LRRD1: variants seen among roughly 807,000 people sequenced by gnomAD.
The protein encoded by LRRD1 is leucine rich repeats and death domain containing 1.
In LRRD1, 49 loss-of-function variants were observed where a neutral mutation model predicts 69.5. The ratio of observed to expected loss-of-function variants is 0.70; its 90% CI spans 0.56 to 0.89. LRRD1 has a LOEUF of 0.89. Ranked by LOEUF, LRRD1 falls within the 40% of genes least tolerant of loss-of-function variation. The pLI is 0.00. For synonymous variants in LRRD1, 303 were observed against 338.9 expected (o/e 0.89, Z 1.16); for missense variants, 853 against 956.0 (o/e 0.89, Z 1.42).
Position 92,174,837 on chromosome 7 carries a change from G to C in LRRD1, c.-75+4170C>G, listed in dbSNP as rs541288163. On this transcript the variant is annotated intron_variant, in intron 1 of 5. Transcript: ENST00000458448. The stretch of plus-strand genomic sequence containing the variant: ...AGCACTTTGGGAGGCCAAGGTGGGT[G>C]GATCACCTGAGGTCAGGAGTTCAAG... Among the ~76,000 whole-genome samples, 3 of 152,006 alleles carry C rather than the reference G, an allele frequency of 2.0e-5. No individual in the cohort carries two copies. In the East Asian group the frequency reaches 5.8e-4, roughly 30 times the overall value.
intron 4 of LRRD1, among the ~76,000 whole-genome samples, chr7:92,147,205 T>C (rs1460973257): frequency 6.6e-6 from 1 of 151,936 alleles, no homozygotes; most frequent in Non-Finnish European, 1.5e-5. Context: ...TAGCTGGGAT[T>C]ACAGGCATGC....
chr7:92,143,014 G>C (rs1820204236), downstream of LRRD1: 1 of 237,080 alleles, frequency 4.2e-6, no homozygotes. Flanking sequence ...ACGTCCTGCT[G>C]ATTGGTCCAT....
rs772081557 is a variant in LRRD1 at position 92,163,385 on chromosome 7, T to C, written c.1818A>G (p.Lys606=). 3.2e-6 allele frequency: 5 copies of C among 1,547,842 alleles called. No homozygotes were observed. In the South Asian group the frequency reaches 3.6e-5, roughly 11 times the overall value. The change falls in exon 2 of 6, where the codon AAA becomes AAG. Residue 606 remains lysine (K), a synonymous_variant. Transcript: ENST00000458448. The part of the protein sequence containing the change: ...SDICNLKGIQ[K]LNFSSNQFIH... ...TAAATTGATTGCTTGAGAAGTTTAA[T>C]TTCTGGATTCCTTTTAAATTACAGA...
intron 1 of LRRD1, among the ~76,000 whole-genome samples, chr7:92,178,311 C>G (rs567026210): frequency 1.2e-3 from 184 of 152,050 alleles, no homozygotes; most frequent in African/African-American, 4.2e-3. Context: ...AAAACTCCGT[C>G]TCAAAAGACA....
Position 92,146,109 on chromosome 7 carries a change from G to C in LRRD1, c.2370C>G (p.Asn790Lys). 6.5e-7 allele frequency: 1 copy of C among 1,537,830 alleles called. No individual in the cohort carries two copies. Among genetic ancestry groups the C allele is most frequent in the Non-Finnish European group, 8.8e-7 (1 of 1,141,206 alleles). The change falls in exon 5 of 6, where the codon AAC becomes AAG. Residue 790 changes from asparagine to lysine, a missense_variant. Coordinates refer to ENST00000458448, the MANE Select transcript of LRRD1 (RefSeq NM_001161528.2). ...TCTTTGTAGGCATATCAGTTTCTGA[G>C]TTTGCCAGGTTTAGTTTTTGACATA... is the stretch of plus-strand genomic sequence containing the variant. ...EFLCQKLNLA[N>K]SETDMPTKST...
At chr7:92,170,510 T>A (rs141388239) in intron 1 of LRRD1, among the ~76,000 whole-genome samples, 2 of 152,086 alleles carry the variant, frequency 1.3e-5, no homozygotes, top group Non-Finnish European at 2.9e-5. Context: ...AAATAACATA[T>A]AAAGGCACTC....
At position 92,146,116 on chromosome 7, in the gene LRRD1, A is replaced by G; in HGVS notation, c.2363T>C (p.Leu788Pro). 1.3e-6 allele frequency: 2 copies of G among 1,540,608 alleles called. No homozygotes were observed. Among genetic ancestry groups the G allele is most frequent in the South Asian group, 2.5e-5 (2 of 80,934 alleles). The change falls in exon 5 of 6, where the codon CTG becomes CCG. Residue 788 changes from leucine (L) to proline (P), a missense_variant. Around this residue, in one of 3 missense-constraint regions of LRRD1, gnomAD observed 739 missense variants for 808.0 expected, o/e 0.91. Coordinates refer to ENST00000458448, the MANE Select transcript of LRRD1 (RefSeq NM_001161528.2). ...AGGCATATCAGTTTCTGAGTTTGCC[A>G]GGTTTAGTTTTTGACATAAAAATTC... The part of the protein sequence containing the change: ...NFEFLCQKLN[L>P]ANSETDMPTK...
intron 1 of LRRD1, among the ~76,000 whole-genome samples, chr7:92,178,431 G>A (rs1385619546): frequency 1.3e-5 from 2 of 152,146 alleles, no homozygotes; most frequent in Admixed American, 1.3e-4. Flanking sequence ...ACCACTTTGA[G>A]GGGGCGAGGC....
chr7:92,159,259 T>G, intron 2 of LRRD1, 56 bp from the exon 3 acceptor site: 1 of 1,100,822 alleles, frequency 9.1e-7, no homozygotes, highest in Non-Finnish European at 1.2e-6. Flanking sequence ...TTTGCATGAC[T>G]AAAACTTCTT....
chr7:92,143,684 CG>C (rs1563186956), downstream of LRRD1, among the ~76,000 whole-genome samples: 1 of 152,132 alleles, frequency 6.6e-6, no homozygotes, highest in African/African-American at 2.4e-5. Flanking sequence ...GCGTGCAGCC[CG>C]GGTTCCCGCC....
intron 3 of LRRD1, 117 bp downstream of exon 3, chr7:92,158,888 G>A (rs1197207736): frequency 2.7e-6 from 2 of 746,372 alleles, no homozygotes; most frequent in Non-Finnish European, 2.1e-6. Context: ...CCTTCTAATG[G>A]TGACTTAATA....
At chr7:92,170,386 G>T (rs942605011) in intron 1 of LRRD1, among the ~76,000 whole-genome samples, 2 of 152,074 alleles carry the variant, frequency 1.3e-5, no homozygotes, top group Non-Finnish European at 2.9e-5. Flanking sequence ...GATACAGGAA[G>T]GTCAGAGAAT....
chr7:92,171,710 C>CA (rs1563194980), intron 1 of LRRD1, among the ~76,000 whole-genome samples: 1 of 151,876 alleles, frequency 6.6e-6, no homozygotes, highest in Non-Finnish European at 1.5e-5. Context: ...CAGGACACAG[C>CA]AAAAAAAGAA....
intron 4 of LRRD1, chr7:92,149,877 A>G (rs1262659219): frequency 6.6e-6 from 3 of 455,044 alleles, no homozygotes; most frequent in Non-Finnish European, 1.3e-5. Context: ...GAACAACTAC[A>G]TTTGGTAGAA....
At chr7:92,169,351 CAG>C (rs1254928937) in intron 1 of LRRD1, among the ~76,000 whole-genome samples, 1 of 151,776 alleles carries the variant, frequency 6.6e-6, no homozygotes, top group Non-Finnish European at 1.5e-5. Context: ...AAAAATCAAA[CAG>C]AAATGTTGGA....
rs1820280522 is a variant in LRRD1, at chr7:92,144,962, T to C, written c.2509A>G (p.Thr837Ala). 1.4e-5 allele frequency: 21 copies of C among 1,545,624 alleles called. No individual in the cohort carries two copies. Among genetic ancestry groups the C allele is most frequent in the East Asian group, 2.5e-5 (1 of 40,796 alleles). The change falls in exon 6 of 6, where the codon ACT becomes GCT. Residue 837 changes from threonine to alanine, a missense_variant. By Grantham distance (58) the Thr-to-Ala change is moderately conservative (BLOSUM62 0). Transcript: ENST00000458448. ...ATAATTTCATATGCTCCTATCATAG[T>C]TAGTGCTCGAATTAGTTGATCTCTT... ...ALRDQLIRAL[T>A]MIGAYEIMDK...
chr7:92,178,562 C>T (rs1789247584), intron 1 of LRRD1, among the ~76,000 whole-genome samples: 1 of 151,318 alleles, frequency 6.6e-6, no homozygotes. Flanking sequence ...CCTAATTACT[C>T]GGGAGGCTGA....
At chr7:92,175,356 A>G (rs1789169265) in intron 1 of LRRD1, among the ~76,000 whole-genome samples, 1 of 151,860 alleles carries the variant, frequency 6.6e-6, no homozygotes, top group Non-Finnish European at 1.5e-5. Context: ...GGAAACTTTA[A>G]CAGAGTGCTG....
chr7:92,178,909 C>T (rs1789255812), intron 1 of LRRD1, 98 bp downstream of exon 1: 3 of 152,198 alleles, frequency 2.0e-5, no homozygotes, highest in African/African-American at 7.2e-5. Context: ...GCTAACGTAA[C>T]GTGGGACAGC....
Sources: gnomAD v4.1 joint callset for allele counts (sites outside exome capture counted in the v4.1 genomes callset) on GRCh38, gnomAD v4.1.1 for gene constraint, gnomAD v4.1.1 regional missense constraint, MANE v1.5 for transcripts, NCBI Gene and HGNC (gene_info 2026-07-23, HGNC 2026-07-21) for gene names.